Variants in MAP3K13 observed in about 807,000 individuals in gnomAD.
MAP3K13 encodes the protein mitogen-activated protein kinase kinase kinase 13, also known as leucine zipper-bearing kinase.
Under a neutral mutation model 104.0 loss-of-function variants are expected in MAP3K13, and 52 were observed. The observed-to-expected ratio is 0.50, with a 90% CI of 0.40 to 0.63. The LOEUF is 0.63. Among genes scored for constraint, MAP3K13 ranks in the 20% least tolerant of loss-of-function variants. The pLI is 0.00. For synonymous variants in MAP3K13, 394 were observed against 442.2 expected (o/e 0.89, Z 1.37); for missense variants, 914 against 1,218.5 (o/e 0.75, Z 3.72).
At chr3:185,428,410 T>G in intron 1 of MAP3K13, 87 bp from the exon 2 acceptor site, 1 of 801,294 alleles carries the variant, frequency 1.2e-6, no homozygotes. Flanking sequence ...ATCCCCATTG[T>G]TTCAGTTTTT....
rs1294114645 is a variant in MAP3K13 at position 185,480,259 on chromosome 3, G to A, written c.2529G>A (p.Gln843=). ...CCCATCGCTGTATCAGCAGCTGCCA[G>A]TCATATTCAACCTTTAGCTCTGAGA... The part of the protein sequence containing the change: ...QRPHRCISSC[Q]SYSTFSSENF... The change falls in exon 13 of 14, where the codon CAG becomes CAA. Residue 843 remains glutamine, a synonymous_variant. Coordinates refer to ENST00000265026, the MANE Select transcript of MAP3K13 (RefSeq NM_004721.5). 1 of 1,614,032 alleles carries A rather than the reference G, an allele frequency of 6.2e-7. No individual in the cohort carries two copies. The highest frequency in any genetic ancestry group is 8.5e-7 in the Non-Finnish European group (1 of 1,180,028).
intron 1 of MAP3K13, among the ~76,000 whole-genome samples, chr3:185,380,807 C>G (rs1724680782): frequency 6.6e-6 from 1 of 152,144 alleles, no homozygotes; most frequent in Admixed American, 6.5e-5. Context: ...CCTAGGACCA[C>G]ATTTTGTGAG....
intron 1 of MAP3K13, among the ~76,000 whole-genome samples, chr3:185,394,496 T>C (rs1249168975): frequency 6.6e-6 from 1 of 152,214 alleles, no homozygotes; most frequent in Non-Finnish European, 1.5e-5. Context: ...TTAGTACATA[T>C]ATAGAATGAA....
rs373143655 is a variant in MAP3K13 at position 185,318,558 on chromosome 3, A to G, written c.-86+32915A>G. On this transcript the variant is annotated intron_variant, in intron 2 of 14. Coordinates refer to the MAP3K13 transcript ENST00000424227. ...TCATTTAATGTTAAAATTCTCACAT[A>G]TGGTGCCTCATAAAATGATAGCACA... Among the ~76,000 whole-genome samples the G allele has an allele frequency of 2.5e-4, 38 of 152,232 alleles. 2 individuals are homozygous for G. Among genetic ancestry groups the G allele is most frequent in the Admixed American group, 1.6e-3 (25 of 15,282 alleles).
At chr3:185,379,944 G>T (rs935050914) in intron 1 of MAP3K13, among the ~76,000 whole-genome samples, 1 of 152,048 alleles carries the variant, frequency 6.6e-6, no homozygotes, top group Non-Finnish European at 1.5e-5. Flanking sequence ...CAAGCACTTT[G>T]GGGGGCCGAG....
upstream of MAP3K13, chr3:185,363,072 A>G: frequency 1.0e-6 from 1 of 985,036 alleles, no homozygotes; most frequent in Non-Finnish European, 1.2e-6. Context: ...AAAAGAAGGA[A>G]GGCCATGTCT....
At chr3:185,436,847 T>C (rs1040655689) in intron 2 of MAP3K13, among the ~76,000 whole-genome samples, 3 of 151,042 alleles carry the variant, frequency 2.0e-5, no homozygotes, top group Non-Finnish European at 4.4e-5. Flanking sequence ...TACTGAAAAA[T>C]ACAATTAGCC....
upstream of MAP3K13, among the ~76,000 whole-genome samples, chr3:185,361,981 C>G (rs1487552847): frequency 1.3e-5 from 2 of 152,200 alleles, no homozygotes; most frequent in Non-Finnish European, 2.9e-5. Flanking sequence ...GTGTGCAATA[C>G]TTACTAGTGG....
intron 2 of MAP3K13, among the ~76,000 whole-genome samples, chr3:185,339,370 A>G (rs1249087107): frequency 1.3e-5 from 2 of 152,226 alleles, no homozygotes; most frequent in East Asian, 3.8e-4. Flanking sequence ...AATGAAATAA[A>G]ATGCTATCTC....
Position 185,473,514 on chromosome 3 carries a change from C to T in MAP3K13, c.2183C>T (p.Ala728Val), listed in dbSNP as rs1717933026. 1.2e-6 allele frequency: 2 copies of T among 1,614,112 alleles called. No individual in the cohort carries two copies. The highest frequency in any genetic ancestry group is 1.7e-6 in the Non-Finnish European group (2 of 1,180,056). The stretch of plus-strand genomic sequence containing the variant: ...CCCTGGGGCTGTTGCCAGGCTGACG[C>T]TTATGACCCCTGCCTTCAGTGCAGG... ...AGPWGCCQAD[A>V]YDPCLQCRPE... Residue 728 changes from alanine (A) to valine (V), a missense_variant, in exon 11 of 14, where the codon GCT (alanine) becomes GTT (valine). Physicochemically the swap from Ala to Val is moderately conservative, Grantham distance 64. Around this residue, in one of 3 missense-constraint regions of MAP3K13, gnomAD observed 583 missense variants for 737.4 expected, o/e 0.79. Coordinates refer to ENST00000265026, the MANE Select transcript of MAP3K13 (RefSeq NM_004721.5). This position sits in a 1 kb window ranked among gnomAD's most constrained non-coding sequence, Gnocchi z 4.9.
chr3:185,348,832 G>A (rs1324343217), intron 2 of MAP3K13, among the ~76,000 whole-genome samples: 1 of 152,162 alleles, frequency 6.6e-6, no homozygotes, highest in South Asian at 2.1e-4. Flanking sequence ...CAGGACAATC[G>A]CTTGAACCCA....
At chr3:185,381,628 T>C (rs1217757910) in intron 1 of MAP3K13, among the ~76,000 whole-genome samples, 9 of 152,212 alleles carry the variant, frequency 5.9e-5, no homozygotes, top group Admixed American at 5.9e-4. Context: ...TTGTTGGTGA[T>C]TTCACTGTTT....
intron 7 of MAP3K13, among the ~76,000 whole-genome samples, chr3:185,457,036 G>C (rs1716795904): frequency 6.6e-6 from 1 of 152,200 alleles, no homozygotes; most frequent in African/African-American, 2.4e-5. Context: ...GTTCTGAACA[G>C]ATGTTACTTA....
chr3:185,389,488 T>C (rs1007469845), intron 1 of MAP3K13, among the ~76,000 whole-genome samples: 2 of 152,128 alleles, frequency 1.3e-5, no homozygotes, highest in African/African-American at 2.4e-5. Flanking sequence ...ATATATTAGC[T>C]TCTTTCTTTT....
intron 2 of MAP3K13, among the ~76,000 whole-genome samples, chr3:185,285,903 G>A (rs1057427602): frequency 6.6e-6 from 1 of 151,930 alleles, no homozygotes; most frequent in African/African-American, 2.4e-5. Context: ...TTTTTTAGGG[G>A]GGAGCTTCCT....
intron 5 of MAP3K13, 53 bp from the exon 6 acceptor site, chr3:185,449,847 A>G: frequency 6.8e-7 from 1 of 1,481,042 alleles, no homozygotes; most frequent in Non-Finnish European, 9.0e-7. Flanking sequence ...GAACTAAAAT[A>G]CAAATCAGTC....
rs1724655038 is a variant in MAP3K13 at position 185,380,419 on chromosome 3, G to A, written c.-86+17051G>A. 7.3e-5 allele frequency among the ~76,000 whole-genome samples: 11 copies of A among 150,836 alleles called. No individual in the cohort carries two copies. In the Admixed American group the frequency reaches 7.3e-4, roughly 10 times the overall value. On this transcript the variant is annotated intron_variant, in intron 1 of 13. Coordinates refer to ENST00000265026, the MANE Select transcript of MAP3K13 (RefSeq NM_004721.5). ...CCAGCTACTCAGGAGGCTGAGGCAG[G>A]AGAATCGCTTGAACCCGGGAGGCAG...
At position 185,428,814 on chromosome 3, in the gene MAP3K13, A is replaced by G. The variant is rs1206036646; in HGVS notation, c.233A>G (p.Asp78Gly). 6.2e-7 allele frequency: 1 copy of G among 1,614,110 alleles called. No homozygotes were observed. Among genetic ancestry groups the G allele is most frequent in the East Asian group, 2.2e-5 (1 of 44,872 alleles). ...ACGAGCGTAAGTGAGGATTCCAGGG[A>G]CCAGTTTGAGAACAGCGTTCTTCAG... Reference protein sequence around the residue: ...VLTSVSEDSRDQFENSVLQLR... With the variant: ...VLTSVSEDSRGQFENSVLQLR... Residue 78 changes from aspartate to glycine, a missense_variant, in exon 2 of 14, where the codon GAC (aspartate) becomes GGC (glycine). This residue lies in a region of MAP3K13 where 156 missense variants were observed against 159.8 expected (regional missense o/e 0.98). Transcript: ENST00000265026.
At chr3:185,308,355 C>T (rs73887860) in intron 2 of MAP3K13, among the ~76,000 whole-genome samples, 12,363 of 152,084 alleles carry the variant, frequency 0.081, 645 homozygotes, top group East Asian at 0.2. Flanking sequence ...TACAAGCTGC[C>T]TAGGTCTCTT....
Sources: allele counts gnomAD v4.1 joint callset (sites outside exome capture counted in the v4.1 genomes callset), GRCh38; gene constraint gnomAD v4.1.1; regional missense constraint gnomAD v4.1.1; non-coding constraint Gnocchi (gnomAD v3.1); transcripts MANE v1.5; gene names NCBI Gene and HGNC (gene_info 2026-07-23, HGNC 2026-07-21).